The following LDAF1 variants were observed in gnomAD, a reference collection of about 807,000 sequenced individuals.
LDAF1 encodes the protein lipid droplet assembly factor 1, also known as PROMETHIN.
A neutral mutation model predicts 13.5 loss-of-function variants in LDAF1; 7 were observed. The ratio of observed to expected loss-of-function variants is 0.52; its 90% CI spans 0.29 to 0.97. LDAF1 has a LOEUF of 0.97. Ranked by LOEUF, LDAF1 falls within the 50% of genes least tolerant of loss-of-function variation. The pLI is 0.07. For synonymous variants in LDAF1, 69 were observed against 77.1 expected (o/e 0.89, Z 0.55); for missense variants, 148 against 193.2 (o/e 0.77, Z 1.39).
intron 1 of LDAF1, among the ~76,000 whole-genome samples, chr16:21,158,983 C>T (rs1432948608): frequency 2.0e-5 from 3 of 151,684 alleles, no homozygotes; most frequent in Non-Finnish European, 2.9e-5. Context: ...TAAATGCACA[C>T]TCACCCCGCC....
chr16:21,167,217 C>T (rs1338350997), intron 2 of LDAF1, among the ~76,000 whole-genome samples: 1 of 152,226 alleles, frequency 6.6e-6, no homozygotes, highest in Admixed American at 6.5e-5. Flanking sequence ...CCCTGAAAAT[C>T]CCACTGTTTA....
At chr16:21,171,734 A>T (rs997106760) in intron 3 of LDAF1, among the ~76,000 whole-genome samples, 2 of 151,626 alleles carry the variant, frequency 1.3e-5, no homozygotes, top group Non-Finnish European at 2.9e-5. Context: ...ACCTGAGTGT[A>T]TTTAAATCTT....
chr16:21,178,323 C>T, intron 4 of LDAF1: 1 of 985,326 alleles, frequency 1.0e-6, no homozygotes, highest in South Asian at 4.7e-5. Context: ...TCATAATCTT[C>T]CAAACCAGCC....
intron 3 of LDAF1, 101 bp downstream of exon 3, chr16:21,170,706 A>G: frequency 2.1e-6 from 3 of 1,403,080 alleles, no homozygotes; most frequent in African/African-American, 1.4e-5. Context: ...GGGTCTTGTT[A>G]TGTTGCCCAG....
At chr16:21,171,143 G>A (rs2093084595) in intron 3 of LDAF1, among the ~76,000 whole-genome samples, 1 of 152,198 alleles carries the variant, frequency 6.6e-6, no homozygotes, top group Non-Finnish European at 1.5e-5. Context: ...CTGCATGCCA[G>A]ATGCCTCGCT....
intron 2 of LDAF1, among the ~76,000 whole-genome samples, chr16:21,165,971 C>T (rs568768667): frequency 3.9e-5 from 6 of 152,056 alleles, no homozygotes; most frequent in South Asian, 4.2e-4. Context: ...GTGATTCTCC[C>T]GCCTCAGCCT....
intron 1 of LDAF1, chr16:21,159,924 A>C: frequency 2.0e-6 from 2 of 985,328 alleles, no homozygotes; most frequent in Non-Finnish European, 2.4e-6. Context: ...CCTACGCCAG[A>C]GGCAGCTTCA....
chr16:21,163,224 ACC>A (rs1597531512), intron 2 of LDAF1, among the ~76,000 whole-genome samples: 2 of 152,138 alleles, frequency 1.3e-5, no homozygotes, highest in East Asian at 3.9e-4. Context: ...CACTAAATAG[ACC>A]ACAGTGACAC....
At position 21,180,442 on chromosome 16, in the gene LDAF1, G is replaced by A. The variant is rs943992948; in HGVS notation, c.*886G>A. The A allele has an allele frequency of 6.6e-6, 1 of 151,740 alleles. No individual in the cohort carries two copies. Among genetic ancestry groups the A allele is most frequent in the African/African-American group, 2.4e-5 (1 of 41,286 alleles). The allele number at this position is 151,740 out of a possible 1,614,324, so 9.4% of individuals were successfully genotyped here. ...TTTAGTACAGATGGGGTTTCACCAT[G>A]TTGGTCAGGCTAGTCTCAAACTCCT... is the stretch of plus-strand genomic sequence containing the variant. On this transcript the variant is annotated 3_prime_UTR_variant, in exon 5 of 5. Coordinates refer to ENST00000233047, the MANE Select transcript of LDAF1 (RefSeq NM_001301771.2).
At chr16:21,159,175 A>C in intron 1 of LDAF1, 1 of 827,096 alleles carries the variant, frequency 1.2e-6, no homozygotes, top group South Asian at 1.4e-5. Context: ...CCTCTTCTCC[A>C]CCGAGGTCCC....
chr16:21,168,752 TATTATA>T (rs1268457959), intron 2 of LDAF1, among the ~76,000 whole-genome samples: 3 of 133,334 alleles, frequency 2.2e-5, no homozygotes, highest in South Asian at 2.2e-4. Context: ...TTATTTTATA[TATTATA>T]ATTATAAATA....
At chr16:21,171,217 T>A (rs1002252472) in intron 3 of LDAF1, among the ~76,000 whole-genome samples, 4 of 152,230 alleles carry the variant, frequency 2.6e-5, no homozygotes, top group Admixed American at 6.5e-5. Flanking sequence ...AACTTCTCCC[T>A]GTATTCCTAA....
Position 21,161,141 on chromosome 16 carries a change from G to A in LDAF1, c.-42G>A. 1 of 1,609,118 alleles carries A rather than the reference G, an allele frequency of 6.2e-7. No homozygotes were observed. The highest frequency in any genetic ancestry group is 8.5e-7 in the Non-Finnish European group (1 of 1,178,356). ...GCGGGCTGCACTGGAGAATTTACTG[G>A]TAGGATAATTCATCCCTAAAGAGAT... On this transcript the variant is annotated 5_prime_UTR_variant, in exon 2 of 5. Transcript: ENST00000233047.
At chr16:21,174,823 A>G (rs531621920) in intron 4 of LDAF1, among the ~76,000 whole-genome samples, 1 of 152,296 alleles carries the variant, frequency 6.6e-6, no homozygotes, top group African/African-American at 2.4e-5. Context: ...CCCACGAGAC[A>G]TGTCTGTCAC....
At position 21,170,698 on chromosome 16, in the gene LDAF1, G is replaced by A. The variant is rs879214852; in HGVS notation, c.265+93G>A. ...TTTAAAAATTTTTTTAAGGGGCGGG[G>A]TCTTGTTATGTTGCCCAGGCTGGTC... On this transcript the variant is annotated intron_variant, in intron 3 of 4. Coordinates refer to ENST00000233047, the MANE Select transcript of LDAF1 (RefSeq NM_001301771.2). 4 of 1,443,008 alleles carry A rather than the reference G, an allele frequency of 2.8e-6. No homozygotes were observed. The African/African-American group carries it at 5.6e-5, about 20-fold the overall frequency. The allele number at this position is 1,443,008 out of a possible 1,614,324, so 89.4% of individuals were successfully genotyped here. A position where few individuals can be genotyped will look rare whatever the true frequency, so the allele number is the denominator to read the frequency against.
At chr16:21,164,407 G>A (rs575059038) in intron 2 of LDAF1, among the ~76,000 whole-genome samples, 1 of 152,060 alleles carries the variant, frequency 6.6e-6, no homozygotes, top group Non-Finnish European at 1.5e-5. Context: ...AGCATACTCA[G>A]CTAATGTTTT....
rs1203698204 is a variant in LDAF1 at position 21,161,293 on chromosome 16, A to G, written c.96+15A>G. The G allele has an allele frequency of 6.2e-7, 1 of 1,612,698 alleles. No individual in the cohort carries two copies. Among genetic ancestry groups the G allele is most frequent in the Non-Finnish European group, 8.5e-7 (1 of 1,179,728 alleles). On this transcript the variant is annotated intron_variant, in intron 2 of 4. Coordinates refer to ENST00000233047, the MANE Select transcript of LDAF1 (RefSeq NM_001301771.2). ...ATAACTCAAAGGTCAGTTTCCAATC[A>G]CTATGTATAATGGAAAATCCCAATA...
At chr16:21,160,458 A>T (rs1019859032) in intron 1 of LDAF1, among the ~76,000 whole-genome samples, 2 of 152,192 alleles carry the variant, frequency 1.3e-5, no homozygotes, top group African/African-American at 4.8e-5. Context: ...AGACTTACCC[A>T]CAAGTAAGTA....
rs777382085 is a variant in LDAF1, at chr16:21,174,064, G to A, written c.320G>A (p.Gly107Asp). 6.2e-7 allele frequency: 1 copy of A among 1,613,994 alleles called. No individual in the cohort carries two copies. The highest frequency in any genetic ancestry group is 8.5e-7 in the Non-Finnish European group (1 of 1,179,982). The change falls in exon 4 of 5, where the codon GGC becomes GAC. Residue 107 changes from glycine to aspartate, a missense_variant. By Grantham distance (94) the Gly-to-Asp change is moderately conservative. Transcript: ENST00000233047. Reference protein sequence around the residue: ...FSLLCILCGLGFVSLAMSGMM... With the variant: ...FSLLCILCGLDFVSLAMSGMM... ...CTGCTCTGCATCCTCTGTGGTTTGG[G>A]CTTCGTATCACTCGCCATGTCGGGG... is the stretch of plus-strand genomic sequence containing the variant.
Sources: gnomAD v4.1 joint callset for allele counts (sites outside exome capture counted in the v4.1 genomes callset) on GRCh38, gnomAD v4.1.1 for gene constraint, MANE v1.5 for transcripts, NCBI Gene and HGNC (gene_info 2026-07-23, HGNC 2026-07-21) for gene names.